The following PCDH15 variants were observed in gnomAD, a reference collection of about 807,000 sequenced individuals.
The protein encoded by PCDH15 is protocadherin-15.
Under a neutral mutation model 178.5 loss-of-function variants are expected in PCDH15, and 129 were observed. That is an observed-to-expected ratio of 0.72 (90% CI 0.63 to 0.84). The LOEUF (loss-of-function observed/expected upper bound fraction) is 0.84. PCDH15 is among the 40% of genes least tolerant of loss of function. PCDH15 has a pLI of 0.00. For synonymous variants in PCDH15, 800 were observed against 732.0 expected (o/e 1.09, Z -1.50); for missense variants, 2,230 against 2,099.9 (o/e 1.06, Z -1.21).
chr10:55,241,549 A>G (rs902867047), intron 1 of PCDH15, among the ~76,000 whole-genome samples: 1 of 152,052 alleles, frequency 6.6e-6, no homozygotes, highest in African/African-American at 2.4e-5. Context: ...TCTCCCGAGT[A>G]GCTGAGACCA....
intron 3 of PCDH15, among the ~76,000 whole-genome samples, chr10:54,822,880 T>TA (rs1350045990): frequency 6.6e-6 from 1 of 151,652 alleles, no homozygotes; most frequent in East Asian, 1.9e-4. Context: ...TAATATAATA[T>TA]ATTTATTTAT....
chr10:54,372,464 C>T (rs1190243147), intron 4 of PCDH15, among the ~76,000 whole-genome samples: 8 of 151,656 alleles, frequency 5.3e-5, no homozygotes, highest in South Asian at 2.1e-4. Context: ...TGGATCACAC[C>T]GAAGGCAAAA....
intron 2 of PCDH15, among the ~76,000 whole-genome samples, chr10:54,614,969 G>T (rs1325459273): frequency 6.6e-6 from 1 of 151,954 alleles, no homozygotes; most frequent in African/African-American, 2.4e-5. Context: ...TCAGTAAATG[G>T]TAATTGTTTT....
chr10:54,179,580 T>C (rs1478237575), intron 13 of PCDH15, among the ~76,000 whole-genome samples: 1 of 151,756 alleles, frequency 6.6e-6, no homozygotes, highest in African/African-American at 2.4e-5. Context: ...AATAATAAAA[T>C]AAAATTTAAA....
intron 3 of PCDH15, among the ~76,000 whole-genome samples, chr10:54,407,915 G>A (rs1472000422): frequency 6.6e-6 from 1 of 151,652 alleles, no homozygotes; most frequent in Admixed American, 6.6e-5. Context: ...AATTAGTCGG[G>A]GTGGTGGCTC....
intron 2 of PCDH15, among the ~76,000 whole-genome samples, chr10:55,453,798 GCT>G (rs1839487760): frequency 1.3e-5 from 2 of 152,006 alleles, no homozygotes; most frequent in Non-Finnish European, 2.9e-5. Flanking sequence ...CATCCACCAG[GCT>G]TCTTCTTGCA....
At chr10:55,128,757 A>G (rs193283364) in intron 2 of PCDH15, among the ~76,000 whole-genome samples, 41 of 151,936 alleles carry the variant, frequency 2.7e-4, no homozygotes, top group African/African-American at 9.2e-4. Context: ...ATTCAATTAT[A>G]ATACAAAGGT....
At chr10:55,432,473 GC>G (rs1247845742) in intron 2 of PCDH15, among the ~76,000 whole-genome samples, 3 of 152,142 alleles carry the variant, frequency 2.0e-5, no homozygotes, top group African/African-American at 7.2e-5. Context: ...TTATTGGAAG[GC>G]AAGGATGAAA....
At chr10:54,878,529 C>T (rs1280461996) in intron 3 of PCDH15, among the ~76,000 whole-genome samples, 1 of 152,042 alleles carries the variant, frequency 6.6e-6, no homozygotes, top group East Asian at 1.9e-4. Context: ...AAGAGATCTT[C>T]GAGACTTTGA....
intron 1 of PCDH15, among the ~76,000 whole-genome samples, chr10:55,288,223 T>A (rs1231089690): frequency 6.6e-6 from 1 of 150,832 alleles, no homozygotes; most frequent in Non-Finnish European, 1.5e-5. Context: ...AAAAAAAAAT[T>A]GGGAGAAAAA....
Position 53,806,943 on chromosome 10 carries a change from G to A in PCDH15, c.4859C>T (p.Thr1620Met), listed in dbSNP as rs747965484. ...SVVRTRRACL[T>M]DNLKVASPVR... is the part of the protein sequence containing the mutation. ...AGGGGAAGCAACTTTTAAGTTGTCC[G>A]TGAGGCAGGCACGGCGGGTTCTCAC... Residue 1620 changes from threonine (T) to methionine (M), a missense_variant, in exon 38 of 38, where the codon ACG (threonine) becomes ATG (methionine). Coordinates refer to ENST00000644397, the MANE Select transcript of PCDH15 (RefSeq NM_001384140.1). 14 of 1,613,730 alleles carry A rather than the reference G, an allele frequency of 8.7e-6. No individual in the cohort carries two copies. Among genetic ancestry groups the A allele is most frequent in the Middle Eastern group, 1.6e-4 (1 of 6,084 alleles).
intron 3 of PCDH15, among the ~76,000 whole-genome samples, chr10:54,862,172 T>C (rs183523998): frequency 6.6e-6 from 1 of 152,290 alleles, no homozygotes; most frequent in Admixed American, 6.6e-5. Context: ...GAATATAAGA[T>C]TTAAACAATG....
At chr10:54,757,889 G>C (rs889935695) in intron 1 of PCDH15, among the ~76,000 whole-genome samples, 1 of 152,058 alleles carries the variant, frequency 6.6e-6, no homozygotes, top group Non-Finnish European at 1.5e-5. Flanking sequence ...GGCATCAAAA[G>C]AAACAGATTC....
At chr10:55,176,669 T>A (rs1161660946) in intron 1 of PCDH15, among the ~76,000 whole-genome samples, 1 of 152,052 alleles carries the variant, frequency 6.6e-6, no homozygotes, top group Non-Finnish European at 1.5e-5. Flanking sequence ...GATCACTACC[T>A]CATTAATGAC....
intron 3 of PCDH15, among the ~76,000 whole-genome samples, chr10:54,467,547 T>G (rs979821430): frequency 6.6e-6 from 1 of 151,206 alleles, no homozygotes; most frequent in African/African-American, 2.4e-5. Context: ...TTCAATTTGA[T>G]AGTATTTTGT....
intron 26 of PCDH15, among the ~76,000 whole-genome samples, chr10:53,901,772 G>GAGA (rs2082352223): frequency 1.3e-5 from 2 of 152,058 alleles, no homozygotes; most frequent in African/African-American, 4.8e-5. Context: ...GCTCACTTAA[G>GAGA]AATCCATGTC....
chr10:55,229,142 T>G (rs1841140087), intron 1 of PCDH15, among the ~76,000 whole-genome samples: 1 of 151,830 alleles, frequency 6.6e-6, no homozygotes. Context: ...TCACACAATA[T>G]AGAATTCTCT....
chr10:53,951,968 A>G (rs956113386), intron 23 of PCDH15, among the ~76,000 whole-genome samples: 2 of 152,018 alleles, frequency 1.3e-5, no homozygotes, highest in Non-Finnish European at 2.9e-5. Flanking sequence ...CAGTGGCTGG[A>G]TCTGGTGCAC....
intron 2 of PCDH15, among the ~76,000 whole-genome samples, chr10:54,601,924 C>G (rs1377374304): frequency 6.6e-6 from 1 of 151,740 alleles, no homozygotes. Flanking sequence ...TAAGTGGGAG[C>G]TAAATGATGA....
Sources: allele counts gnomAD v4.1 joint callset (sites outside exome capture counted in the v4.1 genomes callset), GRCh38; gene constraint gnomAD v4.1.1; transcripts MANE v1.5; gene names NCBI Gene and HGNC (gene_info 2026-07-23, HGNC 2026-07-21).